The following IL17RD variants were observed in gnomAD, a reference collection of about 807,000 sequenced individuals.
IL17RD encodes the protein interleukin 17 receptor D, also known as interleukin-17 receptor D.
In IL17RD, 52 loss-of-function variants were observed where a neutral mutation model predicts 80.5. The ratio of observed to expected loss-of-function variants is 0.65; its 90% confidence interval spans 0.52 to 0.81. IL17RD has a LOEUF of 0.81. IL17RD is among the 40% of genes least tolerant of loss of function. The pLI is 0.00. For missense variants in IL17RD, 1,024 were observed against 955.1 expected (o/e 1.07, Z -0.95); for synonymous variants, 416 against 391.8 (o/e 1.06, Z -0.73).
At chr3:57,109,917 A>G (rs572701731) in intron 4 of IL17RD, among the ~76,000 whole-genome samples, 40 of 152,350 alleles carry the variant, frequency 2.6e-4, no homozygotes, top group Non-Finnish European at 5.0e-4. Context: ...GTTGGGGCGC[A>G]GGGTGAGCCC....
intron 1 of IL17RD, among the ~76,000 whole-genome samples, chr3:57,131,050 T>G (rs767885506): frequency 1.3e-5 from 2 of 152,158 alleles, no homozygotes; most frequent in Non-Finnish European, 2.9e-5. Flanking sequence ...CGGGGGGCAA[T>G]CACCGGCTGA....
intron 1 of IL17RD, among the ~76,000 whole-genome samples, chr3:57,155,596 A>T (rs1000375486): frequency 7.4e-5 from 11 of 149,036 alleles, no homozygotes; most frequent in African/African-American, 2.4e-4. Context: ...TTCAGAGGAA[A>T]TTTTTTTTTT....
rs528639412 is a variant in IL17RD at position 57,110,079 on chromosome 3, C to T, written c.429+114G>A. 910 of 1,206,820 alleles carry T rather than the reference C, an allele frequency of 7.5e-4. 3 individuals carry two copies. Among genetic ancestry groups the T allele is most frequent in the Non-Finnish European group, 9.1e-4 (782 of 863,354 alleles). 74.8% of individuals were successfully genotyped at this position (1,206,820 alleles called of 1,614,324 possible). On this transcript the variant is annotated intron_variant, in intron 4 of 12. Transcript: ENST00000296318. ...GCTGTACCATTCTTGCCCACCTTGGCGGGTGGGGTGGACCCCATAGCCCCT... is the reference window on the plus strand; with the variant it reads ...GCTGTACCATTCTTGCCCACCTTGGTGGGTGGGGTGGACCCCATAGCCCCT...
At chr3:57,138,040 C>T (rs548352916) in intron 1 of IL17RD, among the ~76,000 whole-genome samples, 18 of 152,134 alleles carry the variant, frequency 1.2e-4, no homozygotes, top group East Asian at 1.9e-4. Context: ...CATTTATATG[C>T]GGTATTTAGA....
Position 57,103,125 on chromosome 3 carries a change from T to C in IL17RD, c.834A>G (p.Thr278=). ...AGGCATAATGCATCACTTTTCTTGT[T>C]GTGTTAGTGTCATCCACCAGCTGCA... is the stretch of plus-strand genomic sequence containing the variant. The part of the protein sequence containing the change: ...YIIELVDDTN[T]TRKVMHYALK... The change falls in exon 9 of 13, where the codon ACA becomes ACG. Residue 278 remains threonine (T), a synonymous_variant. Transcript: ENST00000296318. The C allele has an allele frequency of 1.0e-5, 16 of 1,603,406 alleles. No individual in the cohort carries two copies. Among genetic ancestry groups the C allele is most frequent in the Non-Finnish European group, 1.4e-5 (16 of 1,174,426 alleles).
intron 1 of IL17RD, among the ~76,000 whole-genome samples, chr3:57,159,200 ATT>A (rs2060287422): frequency 6.6e-6 from 1 of 151,850 alleles, no homozygotes; most frequent in South Asian, 2.1e-4. Flanking sequence ...AACAGACTAA[ATT>A]CTGAGCAAGA....
At chr3:57,159,533 C>G (rs531069232) in intron 1 of IL17RD, among the ~76,000 whole-genome samples, 1 of 152,202 alleles carries the variant, frequency 6.6e-6, no homozygotes, top group African/African-American at 2.4e-5. Flanking sequence ...CAGGCCCATT[C>G]AGAACATCCA....
chr3:57,137,232 C>A (rs1026273848), intron 1 of IL17RD, among the ~76,000 whole-genome samples: 1 of 152,202 alleles, frequency 6.6e-6, no homozygotes, highest in Admixed American at 6.5e-5. Context: ...GACCAACACA[C>A]CCTCATTGCT....
chr3:57,165,224 C>A lies in IL17RD; in HGVS notation c.63G>T (p.Ser21=). 1 of 1,530,766 alleles carries A rather than the reference C, an allele frequency of 6.5e-7. No homozygotes were observed. The highest frequency in any genetic ancestry group is 2.0e-5 in the Admixed American group (1 of 49,674). The allele number at this position is 1,530,766 out of a possible 1,614,324, so 94.8% of individuals were successfully genotyped here. A position where few individuals can be genotyped will look rare whatever the true frequency, so the allele number is the denominator to read the frequency against. ...FFTVNACLNG[S]QLAVAAGGSG... ...ACCCGCCAGCGGCCACAGCCAGCTGCGAGCCGTTGAGGCAGGCGTTGACCG... is the reference window on the plus strand; with the variant it reads ...ACCCGCCAGCGGCCACAGCCAGCTGAGAGCCGTTGAGGCAGGCGTTGACCG... The change falls in exon 1 of 13, where the codon TCG becomes TCT. Residue 21 remains serine (S), a synonymous_variant. Transcript: ENST00000296318.
chr3:57,164,871 G>C, intron 1 of IL17RD: 1 of 1,185,274 alleles, frequency 8.4e-7, no homozygotes, highest in Non-Finnish European at 1.1e-6. Flanking sequence ...GCCCGGCCCA[G>C]CCCCGCCGCC....
At chr3:57,158,371 GT>G (rs1436102130) in intron 1 of IL17RD, among the ~76,000 whole-genome samples, 1 of 152,168 alleles carries the variant, frequency 6.6e-6, no homozygotes, top group Non-Finnish European at 1.5e-5. Context: ...TTTAGCATTA[GT>G]TTTACCATAA....
At chr3:57,112,600 C>A (rs1024527454) in intron 3 of IL17RD, among the ~76,000 whole-genome samples, 1 of 152,204 alleles carries the variant, frequency 6.6e-6, no homozygotes. Context: ...AACCCCTTAA[C>A]CATTTAAGCC....
intron 1 of IL17RD, among the ~76,000 whole-genome samples, chr3:57,120,765 G>T (rs1707319386): frequency 6.6e-6 from 1 of 152,104 alleles, no homozygotes; most frequent in Admixed American, 6.6e-5. Flanking sequence ...TAAGGAAACT[G>T]GTTTCTCATT....
At chr3:57,169,310 C>T (rs1187409161), upstream of IL17RD, 1 of 504,386 alleles carries the variant, frequency 2.0e-6, no homozygotes, top group Non-Finnish European at 4.0e-6. Flanking sequence ...TCATCTGATT[C>T]ACCTCTGCCC....
In IL17RD at chr3:57,146,045, GCA is replaced by G. The variant is rs1553627648; in HGVS notation, c.126+19114_126+19115del. Among the ~76,000 whole-genome samples, 1,315 of 151,242 alleles carry G rather than the reference GCA, an allele frequency of 8.7e-3. 12 individuals are homozygous for G. The highest frequency in any genetic ancestry group is 0.026 in the African/African-American group (1,077 of 41,268). ...CACACACACTCACGCGCGCGCGCGC[GCA>G]CACACACACACACTGATGCATGCAC... On this transcript the variant is annotated intron_variant, in intron 1 of 12. Transcript: ENST00000296318.
At chr3:57,143,820 C>T (rs748573039) in intron 1 of IL17RD, among the ~76,000 whole-genome samples, 3 of 152,058 alleles carry the variant, frequency 2.0e-5, no homozygotes, top group Admixed American at 6.5e-5. Context: ...TGAGTGAAGG[C>T]GAGGGGGGCA....
At chr3:57,124,522 G>A (rs1191105099) in intron 1 of IL17RD, among the ~76,000 whole-genome samples, 1 of 97,440 alleles carries the variant, frequency 1.0e-5, no homozygotes, top group African/African-American at 3.5e-5. Context: ...TTTGTGGATG[G>A]AGGAAGGAGG....
At chr3:57,160,433 G>A (rs1418782550) in intron 1 of IL17RD, among the ~76,000 whole-genome samples, 1 of 152,138 alleles carries the variant, frequency 6.6e-6, no homozygotes, top group Non-Finnish European at 1.5e-5. Context: ...TGGATCCTGT[G>A]CTACTCCTTC....
intron 1 of IL17RD, among the ~76,000 whole-genome samples, chr3:57,140,848 A>G (rs1707814629): frequency 6.6e-6 from 1 of 152,124 alleles, no homozygotes; most frequent in Admixed American, 6.5e-5. Context: ...CTTATCACTA[A>G]TGAACATTTA....
Sources: gnomAD v4.1 joint callset for allele counts (sites outside exome capture counted in the v4.1 genomes callset) on GRCh38, gnomAD v4.1.1 for gene constraint, MANE v1.5 for transcripts, NCBI Gene and HGNC (gene_info 2026-07-23, HGNC 2026-07-21) for gene names.